Variants in PEX5L observed in about 807,000 individuals in gnomAD.
PEX5L encodes the protein peroxisomal biogenesis factor 5 like, also known as PEX5-related protein.
In PEX5L, 30 loss-of-function variants were observed where a neutral mutation model predicts 84.0. The ratio of observed to expected loss-of-function variants is 0.36; its 90% confidence interval spans 0.27 to 0.48. The LOEUF (loss-of-function observed/expected upper bound fraction) is 0.48. Ranked by LOEUF, PEX5L falls within the 20% of genes least tolerant of loss-of-function variation. The probability of loss-of-function intolerance (pLI) is 0.99; values close to 1 mark genes in which losing one functional copy is unlikely to be tolerated. For synonymous variants in PEX5L, 270 were observed against 283.1 expected (o/e 0.95, Z 0.46); for missense variants, 533 against 754.6 (o/e 0.71, Z 3.44).
intron 2 of PEX5L, among the ~76,000 whole-genome samples, chr3:179,941,491 A>T (rs2109804297): frequency 6.6e-6 from 1 of 152,354 alleles, no homozygotes; most frequent in East Asian, 1.9e-4. Flanking sequence ...AAATAACTTT[A>T]TCAGGTTGGT....
In PEX5L at chr3:179,799,416, A is replaced by C. The variant is rs956786864; in HGVS notation, c.*2412T>G. On this transcript the variant is annotated 3_prime_UTR_variant, in exon 15 of 15. Coordinates refer to ENST00000467460, the MANE Select transcript of PEX5L (RefSeq NM_016559.3). ...TGCCAAATAATGGTAAGAATGGAAG[A>C]TTGTTTAGTCTTCCCTAAAACAGCT... The C allele has an allele frequency of 6.6e-6, 1 of 152,184 alleles. No homozygotes were observed. The highest frequency in any genetic ancestry group is 2.4e-5 in the African/African-American group (1 of 41,452). 9.4% of individuals were successfully genotyped at this position (152,184 alleles called of 1,614,324 possible).
rs1358973124 is a variant in PEX5L at position 180,036,700 on chromosome 3, T to C, written c.-101A>G. ...GGGAAAAGGTGGGTGCACAGCGGGTTCTCAGAGGGTGCTCCTGAGCCCCCT... is the reference window on the plus strand; with the variant it reads ...GGGAAAAGGTGGGTGCACAGCGGGTCCTCAGAGGGTGCTCCTGAGCCCCCT... On this transcript the variant is annotated 5_prime_UTR_variant, in exon 1 of 15. Transcript: ENST00000467460. 3.0e-6 allele frequency: 4 copies of C among 1,341,500 alleles called. No homozygotes were observed. The highest frequency in any genetic ancestry group is 4.6e-5 in the East Asian group (2 of 43,338). 83.1% of individuals were successfully genotyped at this position (1,341,500 alleles called of 1,614,324 possible).
rs994007990 is a variant in PEX5L, at chr3:179,856,380, G to C, written c.822+2682C>G. On this transcript the variant is annotated intron_variant, in intron 8 of 14. Coordinates refer to ENST00000467460, the MANE Select transcript of PEX5L (RefSeq NM_016559.3). ...ACATAGTATTTTGCTATAAGGATAT[G>C]ATATAATTTTAGTTAAACTCTGTTA... 4.0e-4 allele frequency among the ~76,000 whole-genome samples: 7 copies of C among 17,592 alleles called. No homozygotes were observed. The African/African-American group carries it at 5.5e-3, about 14-fold the overall frequency. 11.5% of individuals were successfully genotyped at this position (17,592 alleles called of 152,430 possible).
At position 179,808,451 on chromosome 3, in the gene PEX5L, A is replaced by G. The variant is rs776517555; in HGVS notation, c.1353-14T>C. On this transcript the variant is annotated splice_polypyrimidine_tract_variant and intron_variant, in intron 12 of 14. Transcript: ENST00000467460. Reference sequence around the variant, plus strand: ...TCCAGAACAGAGCTACAAGAGAAAAAAAAAATTAGATTTGTAATCCAAATA... The same window carrying G: ...TCCAGAACAGAGCTACAAGAGAAAAGAAAAATTAGATTTGTAATCCAAATA... 2 of 1,434,610 alleles carry G rather than the reference A, an allele frequency of 1.4e-6. No homozygotes were observed. The highest frequency in any genetic ancestry group is 1.5e-5 in the African/African-American group (1 of 68,654). 88.9% of individuals were successfully genotyped at this position (1,434,610 alleles called of 1,614,324 possible). A position where few individuals can be genotyped will look rare whatever the true frequency, so the allele number is the denominator to read the frequency against.
chr3:179,994,778 C>T (rs747301870), intron 1 of PEX5L, among the ~76,000 whole-genome samples: 103 of 152,076 alleles, frequency 6.8e-4, no homozygotes, highest in Admixed American at 1.4e-3. Context: ...CAGCTGCCAG[C>T]GTGACTAGAA....
chr3:179,922,823 G>A (rs974489337), intron 2 of PEX5L, among the ~76,000 whole-genome samples: 1 of 151,990 alleles, frequency 6.6e-6, no homozygotes, highest in Non-Finnish European at 1.5e-5. Flanking sequence ...TATAAGCTGT[G>A]ATCAGAATGT....
At chr3:180,029,249 G>A (rs1229768828) in intron 1 of PEX5L, among the ~76,000 whole-genome samples, 1 of 151,952 alleles carries the variant, frequency 6.6e-6, no homozygotes, top group African/African-American at 2.4e-5. Flanking sequence ...GGCTGGTCTC[G>A]AACTCCTGAC....
At chr3:179,949,019 C>T (rs767554904) in intron 2 of PEX5L, among the ~76,000 whole-genome samples, 32 of 152,278 alleles carry the variant, frequency 2.1e-4, no homozygotes, top group Admixed American at 4.6e-4. Context: ...TTCCCAGTGA[C>T]GGTGCCGTTG....
At chr3:180,010,112 T>G (rs960996567) in intron 1 of PEX5L, among the ~76,000 whole-genome samples, 3 of 151,808 alleles carry the variant, frequency 2.0e-5, no homozygotes, top group African/African-American at 7.3e-5. Context: ...TCTGGCTACT[T>G]TTTTTTGTAT....
intron 1 of PEX5L, among the ~76,000 whole-genome samples, chr3:179,999,323 G>T (rs1788177774): frequency 6.6e-6 from 1 of 152,198 alleles, no homozygotes; most frequent in South Asian, 2.1e-4. Context: ...AGGATGACCT[G>T]TTCTATGGAC....
At chr3:179,817,093 G>A (rs1462788132) in intron 9 of PEX5L, among the ~76,000 whole-genome samples, 1 of 152,190 alleles carries the variant, frequency 6.6e-6, no homozygotes, top group Non-Finnish European at 1.5e-5. Flanking sequence ...GCCCTTTGGA[G>A]AACTACAAAC....
At chr3:179,984,237 T>C (rs1295328989) in intron 1 of PEX5L, among the ~76,000 whole-genome samples, 1 of 152,110 alleles carries the variant, frequency 6.6e-6, no homozygotes, top group Non-Finnish European at 1.5e-5. Context: ...AATGGAAAAA[T>C]CTACTGCAAA....
intron 3 of PEX5L, among the ~76,000 whole-genome samples, chr3:179,890,922 G>A (rs752284635): frequency 3.3e-5 from 5 of 151,502 alleles, no homozygotes; most frequent in Non-Finnish European, 5.9e-5. Context: ...AATTCAATGA[G>A]AGCCCTGTCC....
chr3:179,876,132 T>C lies in PEX5L; in HGVS notation c.506-655A>G, dbSNP rs530111102. ...ACAGATAAAAAATCTGGCTGGATTC[T>C]CTCATTAACAGGTGTGTGGCTGTGA... On this transcript the variant is annotated intron_variant, in intron 5 of 14. Transcript: ENST00000467460. 2.4e-4 allele frequency among the ~76,000 whole-genome samples: 36 copies of C among 152,254 alleles called. 1 individual carries two copies. In the South Asian group the frequency reaches 7.5e-3, roughly 32 times the overall value.
intron 2 of PEX5L, among the ~76,000 whole-genome samples, chr3:179,955,228 C>A (rs779866569): frequency 3.9e-5 from 6 of 152,098 alleles, no homozygotes; most frequent in Non-Finnish European, 8.8e-5. Flanking sequence ...ATAATAAGAA[C>A]TAATTTGTGG....
chr3:179,950,056 C>T (rs1043212819), intron 2 of PEX5L, among the ~76,000 whole-genome samples: 7 of 152,206 alleles, frequency 4.6e-5, no homozygotes, highest in Non-Finnish European at 1.0e-4. Flanking sequence ...TACTGTGAAA[C>T]TGTGGTCGAA....
At chr3:179,859,294 C>A in intron 7 of PEX5L, 137 bp from the exon 8 acceptor site, 1 of 669,524 alleles carries the variant, frequency 1.5e-6, no homozygotes, top group South Asian at 1.8e-5. Context: ...TTTTGGAGTA[C>A]TGTGCTGGTA....
intron 2 of PEX5L, among the ~76,000 whole-genome samples, chr3:179,931,734 C>T (rs114628556): frequency 6.6e-6 from 1 of 152,024 alleles, no homozygotes; most frequent in Non-Finnish European, 1.5e-5. Flanking sequence ...CCAATTAACT[C>T]GAATGTTAAC....
intron 1 of PEX5L, among the ~76,000 whole-genome samples, chr3:180,008,942 G>A (rs1490252242): frequency 1.3e-5 from 2 of 152,134 alleles, no homozygotes; most frequent in Non-Finnish European, 2.9e-5. Flanking sequence ...AAAATGTTTT[G>A]ATTAATATGT....
Sources: gnomAD v4.1 joint callset for allele counts (sites outside exome capture counted in the v4.1 genomes callset) on GRCh38, gnomAD v4.1.1 for gene constraint, MANE v1.5 for transcripts, NCBI Gene and HGNC (gene_info 2026-07-23, HGNC 2026-07-21) for gene names.